The following CEP126 variants were observed in gnomAD, a reference collection of about 807,000 sequenced individuals.
CEP126 encodes centrosomal protein of 126 kDa.
CEP126 carries 74 observed loss-of-function variants against 107.8 expected under a neutral mutation model. That is an observed-to-expected ratio of 0.69 (90% CI 0.57 to 0.83). CEP126 has a LOEUF of 0.83. Ranked by LOEUF, CEP126 falls within the 40% of genes least tolerant of loss-of-function variation. The pLI is 0.00. For synonymous variants in CEP126, 449 were observed against 446.0 expected (o/e 1.01, Z -0.08); for missense variants, 1,237 against 1,281.9 (o/e 0.96, Z 0.53).
intron 1 of CEP126, chr11:101,916,578 G>C (rs1460053731): frequency 6.6e-6 from 1 of 152,020 alleles, no homozygotes; most frequent in Non-Finnish European, 1.5e-5. Context: ...CCCCAAAATT[G>C]CCCTCTTAAA....
At chr11:101,983,990 C>A (rs1380612558) in intron 8 of CEP126, among the ~76,000 whole-genome samples, 1 of 152,162 alleles carries the variant, frequency 6.6e-6, no homozygotes, top group Non-Finnish European at 1.5e-5. Flanking sequence ...ATGATGACTG[C>A]AAGATTTTGT....
In CEP126 at chr11:101,962,243, A is replaced by G; in HGVS notation, c.1208A>G (p.Lys403Arg). Residue 403 changes from lysine (K) to arginine (R), a missense_variant, in exon 6 of 11, where the codon AAA becomes AGA. Lys to Arg is a conservative substitution (Grantham distance 26). Transcript: ENST00000263468. ...RTTDSTSGAF[K>R]RERPLVTESP... Reference sequence around the variant, plus strand: ...ACTGACTCCACTTCTGGAGCATTCAAAAGAGAGAGACCATTAGTTACTGAG... The same window carrying G: ...ACTGACTCCACTTCTGGAGCATTCAGAAGAGAGAGACCATTAGTTACTGAG... 1 of 1,613,976 alleles carries G rather than the reference A, an allele frequency of 6.2e-7. No individual in the cohort carries two copies. The highest frequency in any genetic ancestry group is 8.5e-7 in the Non-Finnish European group (1 of 1,179,864).
Position 102,000,867 on chromosome 11 carries a change from AAATCCAT to A in CEP126, c.*3226_*3232del, listed in dbSNP as rs1941500429. The A allele has an allele frequency of 6.6e-6, 1 of 152,210 alleles. No homozygotes were observed. Among genetic ancestry groups the A allele is most frequent in the Non-Finnish European group, 1.5e-5 (1 of 68,042 alleles). 9.4% of individuals were successfully genotyped at this position (152,210 alleles called of 1,614,324 possible). A position where few individuals can be genotyped will look rare whatever the true frequency, so the allele number is the denominator to read the frequency against. ...GGAAGGATTACCATGAACTTATTTT[AAATCCAT>A]ATTGTACCAGAATGACTATGTCTGT... On this transcript the variant is annotated 3_prime_UTR_variant, in exon 11 of 11. Transcript: ENST00000263468.
chr11:101,925,291 G>T (rs1445759297), intron 2 of CEP126, among the ~76,000 whole-genome samples: 1 of 152,058 alleles, frequency 6.6e-6, no homozygotes, highest in Admixed American at 6.5e-5. Context: ...CACACAGAAA[G>T]GAAATAAACT....
At chr11:101,993,290 TC>T (rs1941406496) in intron 10 of CEP126, among the ~76,000 whole-genome samples, 1 of 152,192 alleles carries the variant, frequency 6.6e-6, no homozygotes, top group Non-Finnish European at 1.5e-5. Flanking sequence ...AGCTCCCACT[TC>T]TAAGTGAGAA....
At chr11:101,992,063 T>C (rs1160777974) in intron 9 of CEP126, among the ~76,000 whole-genome samples, 1 of 152,122 alleles carries the variant, frequency 6.6e-6, no homozygotes, top group East Asian at 1.9e-4. Context: ...TTTCTTAATC[T>C]AGGTGGTTCC....
intron 6 of CEP126, among the ~76,000 whole-genome samples, chr11:101,971,216 C>G (rs934350835): frequency 2.0e-5 from 3 of 152,102 alleles, no homozygotes; most frequent in African/African-American, 7.2e-5. Flanking sequence ...CTCAGGTGCT[C>G]CGCCTCCCTA....
intron 4 of CEP126, among the ~76,000 whole-genome samples, chr11:101,950,289 T>C (rs1378095764): frequency 6.6e-6 from 1 of 151,968 alleles, no homozygotes; most frequent in Non-Finnish European, 1.5e-5. Context: ...AGTTAGAGAG[T>C]GATAGGACAA....
intron 6 of CEP126, among the ~76,000 whole-genome samples, chr11:101,967,883 G>A (rs1372859174): frequency 6.6e-6 from 1 of 152,138 alleles, no homozygotes; most frequent in Non-Finnish European, 1.5e-5. Context: ...ATAGGCTCTA[G>A]GAGGGCTACA....
chr11:101,963,640 G>A lies in CEP126; in HGVS notation c.2605G>A (p.Val869Ile), dbSNP rs1425164494. 2.5e-6 allele frequency: 4 copies of A among 1,613,976 alleles called. No homozygotes were observed. Among genetic ancestry groups the A allele is most frequent in the African/African-American group, 1.3e-5 (1 of 74,898 alleles). The change falls in exon 6 of 11, where the codon GTC (valine) becomes ATC (isoleucine). Residue 869 changes from valine (V) to isoleucine (I), a missense_variant. By Grantham distance (29) the Val-to-Ile change is conservative. This residue lies in a region of CEP126 where 1,134 missense variants were observed against 1,150.5 expected (regional missense o/e 0.99). Transcript: ENST00000263468. ...ACTCTCAAATGCTTGTTCTGACCTAGTCACTGTGATACCATCACTGCCATC... is the reference window on the plus strand; with the variant it reads ...ACTCTCAAATGCTTGTTCTGACCTAATCACTGTGATACCATCACTGCCATC... ...SPLSNACSDL[V>I]TVIPSLPSYC...
intron 4 of CEP126, among the ~76,000 whole-genome samples, chr11:101,952,164 A>T (rs1260090824): frequency 6.6e-6 from 1 of 152,200 alleles, no homozygotes; most frequent in African/African-American, 2.4e-5. Flanking sequence ...GTGAGAAGGC[A>T]TAGAATCATA....
At chr11:101,960,773 CAT>C (rs1388833285) in intron 5 of CEP126, among the ~76,000 whole-genome samples, 1 of 151,880 alleles carries the variant, frequency 6.6e-6, no homozygotes, top group African/African-American at 2.4e-5. Context: ...TTAAAATTTA[CAT>C]ATTTTAGATA....
At chr11:101,934,090 C>T (rs1409300022) in intron 2 of CEP126, among the ~76,000 whole-genome samples, 2 of 151,926 alleles carry the variant, frequency 1.3e-5, no homozygotes, top group Admixed American at 6.6e-5. Flanking sequence ...GGCTATTGCT[C>T]TCCCTTTTCT....
In CEP126 at chr11:101,980,458, C is replaced by T. The variant is rs112473955; in HGVS notation, c.2959-1431C>T. Among the ~76,000 whole-genome samples, 678 of 152,250 alleles carry T rather than the reference C, an allele frequency of 4.5e-3. 4 individuals carry two copies. Among genetic ancestry groups the T allele is most frequent in the African/African-American group, 0.016 (654 of 41,544 alleles). On this transcript the variant is annotated intron_variant, in intron 7 of 10. Coordinates refer to ENST00000263468, the MANE Select transcript of CEP126 (RefSeq NM_020802.4). ...ACTAGGTCTTATTCTATTTTTCTGT[C>T]TCTTGCTCTTTTGCATGCTTAATGT...
chr11:101,997,581 CT>C lies in CEP126; in HGVS notation c.3310-16del. ...TTGGCATGTGTTTGCATGCTTGTTT[CT>C]TCTTTCTGATTTCCAGGAGAAGAGA... On this transcript the variant is annotated splice_polypyrimidine_tract_variant and intron_variant, in intron 10 of 10. Coordinates refer to ENST00000263468, the MANE Select transcript of CEP126 (RefSeq NM_020802.4). The C allele has an allele frequency of 6.2e-7, 1 of 1,613,970 alleles. No homozygotes were observed. Among genetic ancestry groups the C allele is most frequent in the Non-Finnish European group, 8.5e-7 (1 of 1,179,982 alleles).
intron 4 of CEP126, among the ~76,000 whole-genome samples, chr11:101,957,262 TA>T (rs1331490360): frequency 6.6e-6 from 1 of 152,220 alleles, no homozygotes; most frequent in Non-Finnish European, 1.5e-5. Flanking sequence ...AAAACATTTT[TA>T]TTCTCATTAA....
In CEP126 at chr11:101,962,701, G is replaced by T. The variant is rs757492205; in HGVS notation, c.1666G>T (p.Val556Phe). Residue 556 changes from valine (V) to phenylalanine (F), a missense_variant, in exon 6 of 11, where the codon GTT becomes TTT. By Grantham distance (50) the Val-to-Phe change is conservative. Around this residue, in one of 3 missense-constraint regions of CEP126, gnomAD observed 1,134 missense variants for 1,150.5 expected, o/e 0.99. Coordinates refer to ENST00000263468, the MANE Select transcript of CEP126 (RefSeq NM_020802.4). ...TAATGTAACTTCTAATTATGACTTTGTTGGCCAGCATAAGAAAATGAAATA... is the reference window on the plus strand; with the variant it reads ...TAATGTAACTTCTAATTATGACTTTTTTGGCCAGCATAAGAAAATGAAATA... ...LSNVTSNYDF[V>F]GQHKKMKYNI... The T allele has an allele frequency of 1.9e-6, 3 of 1,613,042 alleles. No individual in the cohort carries two copies. The highest frequency in any genetic ancestry group is 2.5e-6 in the Non-Finnish European group (3 of 1,179,702).
At chr11:101,947,413 T>C (rs1161696304) in intron 3 of CEP126, among the ~76,000 whole-genome samples, 1 of 152,128 alleles carries the variant, frequency 6.6e-6, no homozygotes, top group Non-Finnish European at 1.5e-5. Flanking sequence ...ATAGAGTATG[T>C]TGAATACCAA....
At chr11:101,929,909 T>C (rs2137084262) in intron 2 of CEP126, among the ~76,000 whole-genome samples, 1 of 152,088 alleles carries the variant, frequency 6.6e-6, no homozygotes, top group South Asian at 2.1e-4. Context: ...TTGCCTAAGT[T>C]TTCTGTCTAG....
Sources: gnomAD v4.1 joint callset for allele counts (sites outside exome capture counted in the v4.1 genomes callset) on GRCh38, gnomAD v4.1.1 for gene constraint, gnomAD v4.1.1 regional missense constraint, MANE v1.5 for transcripts, NCBI Gene and HGNC (gene_info 2026-07-23, HGNC 2026-07-21) for gene names.